The following FOXA2 variants were observed in gnomAD, a reference collection of about 807,000 sequenced individuals.
FOXA2 encodes hepatocyte nuclear factor 3-beta.
A neutral mutation model predicts 33.3 loss-of-function variants in FOXA2; 9 were observed. That is an observed-to-expected ratio of 0.27 (90% CI 0.16 to 0.47). The LOEUF (loss-of-function observed/expected upper bound fraction) is 0.47, where lower values mean the gene tolerates loss of function less well. Among genes scored for constraint, FOXA2 ranks in the 20% least tolerant of loss-of-function variants. The pLI is 0.99. For missense variants in FOXA2, 704 were observed against 659.9 expected, an observed-to-expected ratio of 1.07 and a Z score of -0.73; for synonymous variants, 329 against 289.4, an observed-to-expected ratio of 1.14 and a Z score of -1.39.
chr20:22,584,672 T>TGGAGGAGAAGGAGGAGGAGGA (rs1325551283), upstream of FOXA2, among the ~76,000 whole-genome samples: 15 of 34,398 alleles, frequency 4.4e-4, no homozygotes, highest in African/African-American at 1.7e-3. Context: ...GTGGTGGTGG[T>TGGAGGAGAAGGAGGAGGAGGA]GGAGGAGGAG....
chr20:22,584,171 CT>C lies in FOXA2; in HGVS notation c.87+20del, dbSNP rs750714622. 5.0e-6 allele frequency: 8 copies of C among 1,611,812 alleles called. No individual in the cohort carries two copies. The highest frequency in any genetic ancestry group is 6.8e-6 in the Non-Finnish European group (8 of 1,178,848). ...GCGAGCGCCGCCGCTCCACTTCCCCCTGGAAAAGACGAGCGCTTACCTCGGG... is the reference window on the plus strand; with the variant it reads ...GCGAGCGCCGCCGCTCCACTTCCCCCGGAAAAGACGAGCGCTTACCTCGGG... On this transcript the variant is annotated intron_variant, in intron 1 of 1. Transcript: ENST00000419308.
rs72470558 is a variant in FOXA2 at position 22,581,704 on chromosome 20, G to T, written c.*146C>A. On this transcript the variant is annotated 3_prime_UTR_variant, in exon 2 of 2. Transcript: ENST00000419308. ...AGCGGGTGAAGAAGACTGCTGTCTT[G>T]GGGGTGTTGGGGTGGGGGTGTTATG... 1,079 of 727,540 alleles carry T rather than the reference G, an allele frequency of 1.5e-3. 7 individuals carry two copies. The African/African-American group carries it at 0.016, about 11-fold the overall frequency. The allele number at this position is 727,540 out of a possible 1,614,324, so 45.1% of individuals were successfully genotyped here.
Position 22,581,629 on chromosome 20 carries a change from A to G in FOXA2, c.*221T>C, listed in dbSNP as rs1984573157. On this transcript the variant is annotated 3_prime_UTR_variant, in exon 2 of 2. Transcript: ENST00000419308. ...TATTCTTTCCCGTTTTCCTCCTTAT[A>G]TAGAACGTGGGGTATCTGTGTGGCC... 6.2e-6 allele frequency: 3 copies of G among 487,498 alleles called. No individual in the cohort carries two copies. The highest frequency in any genetic ancestry group is 1.1e-5 in the Non-Finnish European group (3 of 276,350). 30.2% of individuals were successfully genotyped at this position (487,498 alleles called of 1,614,324 possible). A position where few individuals can be genotyped will look rare whatever the true frequency, so the allele number is the denominator to read the frequency against.
rs775862541 is a variant in FOXA2, at chr20:22,584,279, G to A, written c.-1C>T. 1.2e-6 allele frequency: 2 copies of A among 1,613,050 alleles called. No individual in the cohort carries two copies. The highest frequency in any genetic ancestry group is 1.1e-5 in the South Asian group (1 of 91,064). ...CCAGCATACTGGAAGCCGAGTGCAT[G>A]GCAGTTTAAAATTTAACAGCCACAA... On this transcript the variant is annotated 5_prime_UTR_variant, in exon 1 of 2. Coordinates refer to ENST00000419308, the MANE Select transcript of FOXA2 (RefSeq NM_021784.5).
chr20:22,581,883 C>T lies in FOXA2; in HGVS notation c.1359G>A (p.Gly453=). The change falls in exon 2 of 2, where the codon GGG becomes GGA. Residue 453 remains glycine, a synonymous_variant. Coordinates refer to ENST00000419308, the MANE Select transcript of FOXA2 (RefSeq NM_021784.5). ...PLAADTSYYQ[G]VYSRPIMNSS The stretch of plus-strand genomic sequence containing the variant: ...AGTTCATAATGGGCCGGGAGTACAC[C>T]CCCTGGTAGTAGGAGGTATCTGCGG... 1 of 1,607,090 alleles carries T rather than the reference C, an allele frequency of 6.2e-7. No homozygotes were observed. Among genetic ancestry groups the T allele is most frequent in the South Asian group, 1.1e-5 (1 of 90,888 alleles).
rs1431671093 is a variant in FOXA2, at chr20:22,582,531, G to A, written c.711C>T (p.Ser237=). The change falls in exon 2 of 2, where the codon TCC becomes TCT. Residue 237 remains serine, a synonymous_variant. Coordinates refer to ENST00000419308, the MANE Select transcript of FOXA2 (RefSeq NM_021784.5). ...PRSPDKPGKG[S]FWTLHPDSGN... is the part of the protein sequence containing the mutation. Reference sequence around the variant, plus strand: ...CCGAGTCAGGGTGCAGGGTCCAGAAGGAGCCCTTGCCGGGCTTGTCGGGCG... The same window carrying A: ...CCGAGTCAGGGTGCAGGGTCCAGAAAGAGCCCTTGCCGGGCTTGTCGGGCG... 2 of 1,614,022 alleles carry A rather than the reference G, an allele frequency of 1.2e-6. No individual in the cohort carries two copies. The highest frequency in any genetic ancestry group is 8.5e-7 in the Non-Finnish European group (1 of 1,180,028).
Position 22,582,220 on chromosome 20 carries a change from G to T in FOXA2, c.1022C>A (p.Pro341Gln). The change falls in exon 2 of 2, where the codon CCG becomes CAG. Residue 341 changes from proline (P) to glutamine (Q), a missense_variant. By Grantham distance (76) the Pro-to-Gln change is moderately conservative (BLOSUM62 -1). Around this residue, in one of 5 missense-constraint regions of FOXA2, gnomAD observed 343 missense variants for 274.8 expected, o/e 1.25. Coordinates refer to ENST00000419308, the MANE Select transcript of FOXA2 (RefSeq NM_021784.5). Reference sequence around the variant, plus strand: ...CTGCTGCTGCCCGGGAGAGGGCGCCGGCTCTGGGGGGCTCAGCGCCGCAGC... The same window carrying T: ...CTGCTGCTGCCCGGGAGAGGGCGCCTGCTCTGGGGGGCTCAGCGCCGCAGC... Reference protein sequence around the residue: ...TPAAALSPPEPAPSPGQQQQA... With the variant: ...TPAAALSPPEQAPSPGQQQQA... 1 of 1,515,494 alleles carries T rather than the reference G, an allele frequency of 6.6e-7. No individual in the cohort carries two copies. Among genetic ancestry groups the T allele is most frequent in the Non-Finnish European group, 8.8e-7 (1 of 1,132,814 alleles). 93.9% of individuals were successfully genotyped at this position (1,515,494 alleles called of 1,614,324 possible).
chr20:22,584,123 G>T, intron 1 of FOXA2, 69 bp downstream of exon 1: 1 of 1,477,246 alleles, frequency 6.8e-7, no homozygotes, highest in South Asian at 1.1e-5. Flanking sequence ...AGCGAGGGAA[G>T]CGGTCCTGAG....
At chr20:22,584,574 C>A (rs866978981), upstream of FOXA2, 4 of 286,688 alleles carry the variant, frequency 1.4e-5, no homozygotes, top group South Asian at 2.9e-4. Flanking sequence ...GTTGGCAGTG[C>A]CGAGCTGCCC....
chr20:22,582,696 G>A lies in FOXA2; in HGVS notation c.546C>T (p.Pro182=). 1.2e-6 allele frequency: 2 copies of A among 1,613,630 alleles called. No individual in the cohort carries two copies. The highest frequency in any genetic ancestry group is 1.7e-6 in the Non-Finnish European group (2 of 1,179,868). ...TCTCGCTCAGCGTCAGCATCTTGTTGGGGCTCTGCTGGATGGCCATGGTGA... is the reference window on the plus strand; with the variant it reads ...TCTCGCTCAGCGTCAGCATCTTGTTAGGGCTCTGCTGGATGGCCATGGTGA... ...SLITMAIQQS[P]NKMLTLSEIY... Residue 182 remains proline (P), a synonymous_variant, in exon 2 of 2, where the codon CCC becomes CCT. Coordinates refer to ENST00000419308, the MANE Select transcript of FOXA2 (RefSeq NM_021784.5).
upstream of FOXA2, among the ~76,000 whole-genome samples, chr20:22,584,947 T>A (rs899722714): frequency 2.0e-5 from 3 of 152,064 alleles, no homozygotes; most frequent in African/African-American, 7.2e-5. Flanking sequence ...GGGAGCGGGC[T>A]GGGCGGGCGA....
In FOXA2 at chr20:22,581,523, C is replaced by CA. The variant is rs1344427690; in HGVS notation, c.*326dup. Reference sequence around the variant, plus strand: ...CAGCAATGGAGGAGAACAACAACAACAAAAAAATCAGAATCTGCAGGTGCT... The same window carrying CA: ...CAGCAATGGAGGAGAACAACAACAACAAAAAAAATCAGAATCTGCAGGTGCT... On this transcript the variant is annotated 3_prime_UTR_variant, in exon 2 of 2. Transcript: ENST00000419308. 5 of 212,142 alleles carry CA rather than the reference C, an allele frequency of 2.4e-5. No homozygotes were observed. Among genetic ancestry groups the CA allele is most frequent in the East Asian group, 2.1e-4 (2 of 9,672 alleles). The allele number at this position is 212,142 out of a possible 1,614,324, so 13.1% of individuals were successfully genotyped here.
chr20:22,583,237 C>T (rs925181378), intron 1 of FOXA2, 83 bp from the exon 2 acceptor site: 4 of 1,504,996 alleles, frequency 2.7e-6, no homozygotes, highest in Non-Finnish European at 3.7e-6. Flanking sequence ...ACCGCCCAGG[C>T]CTCCGCGTCC....
Position 22,582,047 on chromosome 20 carries a change from G to GGTA in FOXA2, c.1194_1195insTAC (p.His398_His399insTyr). On this transcript the variant is annotated inframe_insertion, in exon 2 of 2. Transcript: ENST00000419308. ...TCCATTTTGTGGGGTTGGTGGTGGT[G>GGTA]GTGGCTGTGGTGGTGCTGCTGCTCC... The GGTA allele has an allele frequency of 6.2e-7, 1 of 1,613,532 alleles. No individual in the cohort carries two copies. The highest frequency in any genetic ancestry group is 8.5e-7 in the Non-Finnish European group (1 of 1,179,436).
rs760939505 is a variant in FOXA2, at chr20:22,584,308, A to C, written c.-30T>G. 1 of 1,590,434 alleles carries C rather than the reference A, an allele frequency of 6.3e-7. No homozygotes were observed. Among genetic ancestry groups the C allele is most frequent in the Non-Finnish European group, 8.6e-7 (1 of 1,159,900 alleles). ...GTTTAAAATTTAACAGCCACAACAA[A>C]CGACCAGCAATCACCCCCCACCCCC... On this transcript the variant is annotated 5_prime_UTR_variant, in exon 1 of 2. Coordinates refer to ENST00000419308, the MANE Select transcript of FOXA2 (RefSeq NM_021784.5).
rs1360441364 is a variant in FOXA2, at chr20:22,582,277, C to T, written c.965G>A (p.Arg322Gln). ...CCCCTTCAGCTCTCCCAGGCCCCCTCGCTTGTGCTCCTGGCACGGGGAGGC... is the reference window on the plus strand; with the variant it reads ...CCCCTTCAGCTCTCCCAGGCCCCCTTGCTTGTGCTCCTGGCACGGGGAGGC... ...SSASPCQEHK[R>Q]GGLGELKGTP... The change falls in exon 2 of 2, where the codon CGA becomes CAA. Residue 322 changes from arginine (R) to glutamine (Q), a missense_variant. By Grantham distance (43) the Arg-to-Gln change is conservative (BLOSUM62 1). This residue lies in a region of FOXA2 where 343 missense variants were observed against 274.8 expected (regional missense o/e 1.25). Transcript: ENST00000419308. 72 of 1,465,518 alleles carry T rather than the reference C, an allele frequency of 4.9e-5. No individual in the cohort carries two copies. Among genetic ancestry groups the T allele is most frequent in the Non-Finnish European group, 6.4e-5 (71 of 1,117,120 alleles). 90.8% of individuals were successfully genotyped at this position (1,465,518 alleles called of 1,614,324 possible).
Position 22,584,470 on chromosome 20 carries a change from G to A in FOXA2, c.-192C>T, listed in dbSNP as rs560224517. Reference sequence around the variant, plus strand: ...GTAGTTGGAAGTGGGCGGGAGGTGGGGGGGGGCGAGGAGCGGAGGAGGCCC... The same window carrying A: ...GTAGTTGGAAGTGGGCGGGAGGTGGAGGGGGGCGAGGAGCGGAGGAGGCCC... On this transcript the variant is annotated 5_prime_UTR_variant, in exon 1 of 2. Transcript: ENST00000419308. 10 of 604,188 alleles carry A rather than the reference G, an allele frequency of 1.7e-5. No homozygotes were observed. The highest frequency in any genetic ancestry group is 3.8e-5 in the South Asian group (2 of 53,202). 37.4% of individuals were successfully genotyped at this position (604,188 alleles called of 1,614,324 possible).
upstream of FOXA2, among the ~76,000 whole-genome samples, chr20:22,584,868 C>T (rs1984723626): frequency 6.6e-6 from 1 of 152,104 alleles, no homozygotes; most frequent in Non-Finnish European, 1.5e-5. Flanking sequence ...AGCCGGCGCT[C>T]CGCACCTGCC....
In FOXA2 at chr20:22,582,243, A is replaced by C. The variant is rs1183284630; in HGVS notation, c.999T>G (p.Ala333=). The change falls in exon 2 of 2, where the codon GCT becomes GCG. Residue 333 remains alanine, a synonymous_variant. Coordinates refer to ENST00000419308, the MANE Select transcript of FOXA2 (RefSeq NM_021784.5). The stretch of plus-strand genomic sequence containing the variant: ...CCGGCTCTGGGGGGCTCAGCGCCGC[A>C]GCCGGCGTCCCCTTCAGCTCTCCCA... The part of the protein sequence containing the change: ...GGLGELKGTP[A]AALSPPEPAP... 6.8e-7 allele frequency: 1 copy of C among 1,473,878 alleles called. No individual in the cohort carries two copies. The highest frequency in any genetic ancestry group is 8.9e-7 in the Non-Finnish European group (1 of 1,118,700). The allele number at this position is 1,473,878 out of a possible 1,614,324, so 91.3% of individuals were successfully genotyped here. A position where few individuals can be genotyped will look rare whatever the true frequency, so the allele number is the denominator to read the frequency against.
Sources: gnomAD v4.1 joint callset for allele counts (sites outside exome capture counted in the v4.1 genomes callset) on GRCh38, gnomAD v4.1.1 for gene constraint, gnomAD v4.1.1 regional missense constraint, MANE v1.5 for transcripts, NCBI Gene and HGNC (gene_info 2026-07-23, HGNC 2026-07-21) for gene names.